The following SH3GL2 variants were observed in gnomAD, a reference collection of about 807,000 sequenced individuals.
SH3GL2 encodes SH3 domain containing GRB2 like 2, endophilin A1, also known as endophilin-A1.
In SH3GL2, 24 loss-of-function variants were observed where a neutral mutation model predicts 46.0. The observed-to-expected ratio is 0.52, with a 90% confidence interval of 0.38 to 0.73. SH3GL2 has a LOEUF of 0.73. Among genes scored for constraint, SH3GL2 ranks in the 30% least tolerant of loss-of-function variants. The pLI is 0.00. For synonymous variants in SH3GL2, 196 were observed against 147.1 expected (o/e 1.33, Z -2.40); for missense variants, 413 against 424.2 (o/e 0.97, Z 0.23).
At chr9:17,703,768 A>G (rs1588256748) in intron 1 of SH3GL2, among the ~76,000 whole-genome samples, 1 of 152,244 alleles carries the variant, frequency 6.6e-6, no homozygotes, top group African/African-American at 2.4e-5. Context: ...TCATGTTAAA[A>G]ACCCTTGACA....
intron 1 of SH3GL2, among the ~76,000 whole-genome samples, chr9:17,624,231 G>A (rs561598552): frequency 3.9e-5 from 6 of 152,134 alleles, no homozygotes; most frequent in Non-Finnish European, 5.9e-5. Flanking sequence ...TATGCCCATC[G>A]GTGGCGATGA....
chr9:17,792,864 G>A (rs901224561), intron 7 of SH3GL2, among the ~76,000 whole-genome samples: 2 of 152,136 alleles, frequency 1.3e-5, no homozygotes, highest in African/African-American at 4.8e-5. Context: ...AGTTGTTTGT[G>A]TTCTGTCTCC....
chr9:17,586,051 G>C (rs554032165), intron 1 of SH3GL2, among the ~76,000 whole-genome samples: 7 of 152,152 alleles, frequency 4.6e-5, no homozygotes, highest in African/African-American at 1.7e-4. Context: ...ATGATTGTGA[G>C]ACCCTGCCAA....
At chr9:17,716,598 A>C (rs536094794) in intron 1 of SH3GL2, among the ~76,000 whole-genome samples, 343 of 152,200 alleles carry the variant, frequency 2.3e-3, no homozygotes, top group Non-Finnish European at 4.2e-3. Context: ...TTCTTTTCTC[A>C]GTCTTGGTTA....
At chr9:17,591,927 C>T (rs1387721371) in intron 1 of SH3GL2, among the ~76,000 whole-genome samples, 1 of 152,172 alleles carries the variant, frequency 6.6e-6, no homozygotes, top group East Asian at 1.9e-4. Context: ...TTTTGTCAAT[C>T]TGTATTCATG....
intron 1 of SH3GL2, among the ~76,000 whole-genome samples, chr9:17,684,052 G>A (rs1244867408): frequency 1.3e-5 from 2 of 151,986 alleles, no homozygotes; most frequent in African/African-American, 2.4e-5. Context: ...TTACTGAGAT[G>A]CACAAAAAGT....
At chr9:17,640,344 A>G (rs960065581) in intron 1 of SH3GL2, among the ~76,000 whole-genome samples, 9 of 152,262 alleles carry the variant, frequency 5.9e-5, no homozygotes, top group African/African-American at 2.2e-4. Context: ...GAATTTGGAA[A>G]AAGTTTCCTT....
At chr9:17,636,399 A>G (rs1446251720) in intron 1 of SH3GL2, among the ~76,000 whole-genome samples, 1 of 152,098 alleles carries the variant, frequency 6.6e-6, no homozygotes, top group Non-Finnish European at 1.5e-5. Flanking sequence ...ACAATATTAT[A>G]TTGCCCTTCC....
chr9:17,608,370 T>A (rs1818799943), intron 1 of SH3GL2, among the ~76,000 whole-genome samples: 1 of 152,060 alleles, frequency 6.6e-6, no homozygotes, highest in Non-Finnish European at 1.5e-5. Flanking sequence ...ATGGTCTCGA[T>A]CTCCTGACCT....
chr9:17,626,442 C>A (rs1374217813), intron 1 of SH3GL2, among the ~76,000 whole-genome samples: 3 of 152,168 alleles, frequency 2.0e-5, no homozygotes, highest in Non-Finnish European at 4.4e-5. Flanking sequence ...TGGACTGTGT[C>A]CTCATCTCTC....
chr9:17,780,198 T>C (rs1469925512), intron 3 of SH3GL2, among the ~76,000 whole-genome samples: 1 of 152,182 alleles, frequency 6.6e-6, no homozygotes, highest in African/African-American at 2.4e-5. Flanking sequence ...AAACTGAACA[T>C]TGTCAACATC....
intron 1 of SH3GL2, among the ~76,000 whole-genome samples, chr9:17,690,221 A>C (rs942199411): frequency 2.0e-5 from 3 of 152,170 alleles, no homozygotes; most frequent in Admixed American, 6.6e-5. Context: ...GTGACTGCTC[A>C]GTAGCGTTTA....
chr9:17,678,296 G>A (rs1433440078), intron 1 of SH3GL2, among the ~76,000 whole-genome samples: 1 of 152,112 alleles, frequency 6.6e-6, no homozygotes, highest in Non-Finnish European at 1.5e-5. Context: ...TCCAGCACCT[G>A]TTGTTTCCTG....
intron 1 of SH3GL2, among the ~76,000 whole-genome samples, chr9:17,746,355 T>C (rs751359696): frequency 7.9e-5 from 12 of 152,170 alleles, no homozygotes; most frequent in Non-Finnish European, 1.3e-4. Context: ...GGATTACAGG[T>C]GTGAGTCACT....
chr9:17,752,888 G>A (rs375122315), intron 2 of SH3GL2, among the ~76,000 whole-genome samples: 2 of 152,056 alleles, frequency 1.3e-5, no homozygotes, highest in East Asian at 3.9e-4. Context: ...AGGTCCCAGT[G>A]TGTGTTGTTC....
At chr9:17,712,717 G>A (rs186116846) in intron 1 of SH3GL2, among the ~76,000 whole-genome samples, 1 of 151,838 alleles carries the variant, frequency 6.6e-6, no homozygotes, top group African/African-American at 2.4e-5. Context: ...TTTATGATAA[G>A]TCTTGAAATC....
intron 1 of SH3GL2, among the ~76,000 whole-genome samples, chr9:17,611,160 G>A (rs1156716832): frequency 1.3e-5 from 2 of 152,110 alleles, no homozygotes; most frequent in Middle Eastern, 3.2e-3. Flanking sequence ...CAAATAGGAA[G>A]TATCGATCAT....
intron 1 of SH3GL2, among the ~76,000 whole-genome samples, chr9:17,685,072 G>C (rs545134305): frequency 6.6e-6 from 1 of 152,012 alleles, no homozygotes; most frequent in Non-Finnish European, 1.5e-5. Flanking sequence ...GGTGTACTTG[G>C]TACCTATATC....
chr9:17,600,698 T>C (rs550990171), intron 1 of SH3GL2, among the ~76,000 whole-genome samples: 3 of 152,340 alleles, frequency 2.0e-5, no homozygotes, highest in African/African-American at 7.2e-5. Flanking sequence ...TCAATGTATA[T>C]GTTGTACTAC....
Sources: allele counts gnomAD v4.1 joint callset (sites outside exome capture counted in the v4.1 genomes callset), GRCh38; gene constraint gnomAD v4.1.1; transcripts MANE v1.5; gene names NCBI Gene and HGNC (gene_info 2026-07-23, HGNC 2026-07-21).